PLXNA4: variants seen among roughly 807,000 people sequenced by gnomAD.
The protein encoded by PLXNA4 is plexin-A4.
In PLXNA4, 44 loss-of-function variants were observed where a neutral mutation model predicts 191.8. The observed-to-expected ratio is 0.23, with a 90% confidence interval of 0.18 to 0.29. PLXNA4 has a LOEUF of 0.29. PLXNA4 is among the 10% of genes least tolerant of loss of function. The probability of loss-of-function intolerance (pLI) is 1.00; values close to 1 mark genes in which losing one functional copy is unlikely to be tolerated. For missense variants in PLXNA4, 1,800 were observed against 2,488.8 expected (o/e 0.72, Z 5.89); for synonymous variants, 1,082 against 1,009.5 (o/e 1.07, Z -1.36).
intron 2 of PLXNA4, among the ~76,000 whole-genome samples, chr7:132,582,368 C>G (rs1210787223): frequency 6.6e-6 from 1 of 152,166 alleles, no homozygotes; most frequent in Non-Finnish European, 1.5e-5. Context: ...GTAAGCTGTT[C>G]TAAGTGACTG....
intron 29 of PLXNA4, among the ~76,000 whole-genome samples, chr7:132,143,263 A>C (rs1795321745): frequency 6.6e-6 from 1 of 152,128 alleles, no homozygotes; most frequent in Non-Finnish European, 1.5e-5. Flanking sequence ...GTTGGGGGAA[A>C]GTGTCCTCAG....
Position 132,489,355 on chromosome 7 carries a change from G to A in PLXNA4, c.1308C>T (p.Ile436=), listed in dbSNP as rs147697026. The A allele has an allele frequency of 5.1e-5, 82 of 1,606,078 alleles. No homozygotes were observed. In the East Asian group the frequency reaches 9.4e-4, roughly 18 times the overall value. The stretch of plus-strand genomic sequence containing the variant: ...GAGAGTGGTTCTTGTAGACATATGC[G>A]ATGACAGACGTCATGCGGTCCCTGT... The part of the protein sequence containing the change: ...TEDRDRMTSV[I]AYVYKNHSLA... The change falls in exon 3 of 32, where the codon ATC becomes ATT. Residue 436 remains isoleucine (I), a synonymous_variant. Coordinates refer to ENST00000321063, the MANE Select transcript of PLXNA4 (RefSeq NM_020911.2).
chr7:132,642,739 C>T (rs1261999590), intron 2 of PLXNA4, among the ~76,000 whole-genome samples: 2 of 152,068 alleles, frequency 1.3e-5, no homozygotes, highest in African/African-American at 4.8e-5. Context: ...ACGTTTCATC[C>T]ATAAGGGGCT....
intron 9 of PLXNA4, among the ~76,000 whole-genome samples, chr7:132,214,260 C>A (rs1391884374): frequency 7.2e-5 from 11 of 152,166 alleles, no homozygotes; most frequent in African/African-American, 1.2e-4. Context: ...TGGGGAGCAG[C>A]AAAACCTGTC....
At chr7:132,539,197 A>G (rs1799969327) in intron 1 of PLXNA4, among the ~76,000 whole-genome samples, 1 of 152,112 alleles carries the variant, frequency 6.6e-6, no homozygotes, top group Non-Finnish European at 1.5e-5. Context: ...AGTACAACCC[A>G]AGTGAGACTC....
intron 3 of PLXNA4, among the ~76,000 whole-genome samples, chr7:132,435,866 G>A (rs569341503): frequency 2.0e-5 from 3 of 152,300 alleles, no homozygotes; most frequent in African/African-American, 7.2e-5. Context: ...TAACCCCTGT[G>A]AGGCAAAGGC....
At chr7:132,466,211 C>G (rs560169613) in intron 3 of PLXNA4, among the ~76,000 whole-genome samples, 50 of 152,222 alleles carry the variant, frequency 3.3e-4, no homozygotes, top group African/African-American at 1.2e-3. Context: ...GGGAAATATG[C>G]AGGAGGGACA....
intron 3 of PLXNA4, among the ~76,000 whole-genome samples, chr7:132,399,910 G>A (rs1793916051): frequency 6.6e-6 from 1 of 152,002 alleles, no homozygotes; most frequent in Non-Finnish European, 1.5e-5. Flanking sequence ...CTTCACCTGT[G>A]TAACTAACAA....
intron 25 of PLXNA4, among the ~76,000 whole-genome samples, chr7:132,157,036 C>T (rs1468274824): frequency 6.6e-6 from 1 of 152,194 alleles, no homozygotes; most frequent in African/African-American, 2.4e-5. Context: ...TTCAAACTGC[C>T]CCAGGCCTCT....
At chr7:132,397,959 G>C (rs73726033) in intron 3 of PLXNA4, among the ~76,000 whole-genome samples, 12,806 of 152,170 alleles carry the variant, frequency 0.084, 878 homozygotes, top group Admixed American at 0.18. Flanking sequence ...ATCACCCCAG[G>C]CTTTGCCATC....
At chr7:132,252,377 T>C (rs868099024) in intron 4 of PLXNA4, among the ~76,000 whole-genome samples, 4 of 137,402 alleles carry the variant, frequency 2.9e-5, no homozygotes, top group Non-Finnish European at 4.5e-5. Flanking sequence ...AGTGGTGTGA[T>C]TGTGGCTCAC....
At chr7:132,225,918 C>A (rs1562977583) in intron 8 of PLXNA4, among the ~76,000 whole-genome samples, 1 of 152,164 alleles carries the variant, frequency 6.6e-6, no homozygotes, top group Non-Finnish European at 1.5e-5. Flanking sequence ...CATAAGTTCT[C>A]ATTTTCTGCT....
chr7:132,202,787 G>A lies in PLXNA4; in HGVS notation c.2445C>T (p.Leu815=). 6.2e-7 allele frequency: 1 copy of A among 1,611,078 alleles called. No individual in the cohort carries two copies. Among genetic ancestry groups the A allele is most frequent in the Non-Finnish European group, 8.5e-7 (1 of 1,178,568 alleles). Residue 815 remains leucine (L), a synonymous_variant, in exon 12 of 32, where the codon CTC becomes CTT. Coordinates refer to ENST00000321063, the MANE Select transcript of PLXNA4 (RefSeq NM_020911.2). Reference sequence around the variant, plus strand: ...CACATGCGAAGTCTGGGTCAGCCTTGAGGCACAGCCCGCAGCTCTCACGCA... The same window carrying A: ...CACATGCGAAGTCTGGGTCAGCCTTAAGGCACAGCCCGCAGCTCTCACGCA... ...GAMRESCGLC[L]KADPDFACGW...
At chr7:132,160,450 C>T (rs1255815300) in intron 24 of PLXNA4, among the ~76,000 whole-genome samples, 1 of 152,136 alleles carries the variant, frequency 6.6e-6, no homozygotes, top group African/African-American at 2.4e-5. Flanking sequence ...CTGGGCTTTT[C>T]CTTTAAAAAG....
In PLXNA4 at chr7:132,181,538, G is replaced by C. The variant is rs199953148; in HGVS notation, c.3335C>G (p.Thr1112Ser). The C allele has an allele frequency of 1.9e-6, 3 of 1,614,078 alleles. No individual in the cohort carries two copies. The African/African-American group carries it at 4.0e-5, about 22-fold the overall frequency. ...ALGPDHQSDL[T>S]ERPEEFGFIL... ...GAAGCCAAACTCCTCGGGCCTCTCG[G>C]TCAGGTCTGACTGGTGGTCAGGACC... The change falls in exon 18 of 32, where the codon ACC becomes AGC. Residue 1112 changes from threonine (T) to serine (S), a missense_variant. Physicochemically the swap from Thr to Ser is moderately conservative, Grantham distance 58. This residue lies in a region of PLXNA4 where 1,397 missense variants were observed against 1,880.4 expected (regional missense o/e 0.74). Transcript: ENST00000321063.
At chr7:132,271,257 A>T (rs1044674894) in intron 4 of PLXNA4, 1 of 152,288 alleles carries the variant, frequency 6.6e-6, no homozygotes, top group South Asian at 2.1e-4. Context: ...ATAAAATGTT[A>T]TGTGTTAAAG....
chr7:132,328,678 A>C (rs1385865850), intron 3 of PLXNA4, among the ~76,000 whole-genome samples: 1 of 152,212 alleles, frequency 6.6e-6, no homozygotes, highest in Non-Finnish European at 1.5e-5. Flanking sequence ...GCAGGAGAGC[A>C]TGGGCTTGGT....
At chr7:132,456,748 G>C (rs1476677685) in intron 3 of PLXNA4, among the ~76,000 whole-genome samples, 5 of 152,140 alleles carry the variant, frequency 3.3e-5, no homozygotes, top group African/African-American at 1.2e-4. Context: ...GAATCAATCA[G>C]AAAGGCTGAG....
chr7:132,441,290 G>T (rs1046997284), intron 3 of PLXNA4, among the ~76,000 whole-genome samples: 4 of 152,154 alleles, frequency 2.6e-5, no homozygotes, highest in African/African-American at 4.8e-5. Context: ...CTTTGTCAAC[G>T]AACTTGTCAT....
Sources: gnomAD v4.1 joint callset for allele counts (sites outside exome capture counted in the v4.1 genomes callset) on GRCh38, gnomAD v4.1.1 for gene constraint, gnomAD v4.1.1 regional missense constraint, MANE v1.5 for transcripts, NCBI Gene and HGNC (gene_info 2026-07-23, HGNC 2026-07-21) for gene names.